The following UBE3C variants were observed in gnomAD, a reference collection of about 807,000 sequenced individuals.
UBE3C encodes ubiquitin-protein ligase E3C.
Under a neutral mutation model 129.4 loss-of-function variants are expected in UBE3C, and 42 were observed. That is an observed-to-expected ratio of 0.32 (90% CI 0.25 to 0.42). UBE3C has a LOEUF of 0.42. Ranked by LOEUF, UBE3C falls within the 10% of genes least tolerant of loss-of-function variation. UBE3C has a pLI of 1.00. For missense variants in UBE3C, 1,049 were observed against 1,319.1 expected (o/e 0.80, Z 3.17); for synonymous variants, 510 against 492.4 (o/e 1.04, Z -0.47).
chr7:157,163,108 G>A (rs926261813), intron 1 of UBE3C, among the ~76,000 whole-genome samples: 35 of 152,122 alleles, frequency 2.3e-4, no homozygotes, highest in African/African-American at 7.9e-4. Flanking sequence ...AGAGATGGCC[G>A]GGCGCGGTGG....
At chr7:157,188,181 T>C (rs561245090) in intron 10 of UBE3C, among the ~76,000 whole-genome samples, 1 of 152,340 alleles carries the variant, frequency 6.6e-6, no homozygotes, top group South Asian at 2.1e-4. Context: ...GCAAAAGCTG[T>C]CAGTAAGTAA....
At chr7:157,251,369 C>T (rs141337065) in intron 19 of UBE3C, among the ~76,000 whole-genome samples, 25 of 152,272 alleles carry the variant, frequency 1.6e-4, no homozygotes, top group African/African-American at 5.3e-4. Context: ...GACTAATTTA[C>T]ATAGAACTCT....
intron 19 of UBE3C, among the ~76,000 whole-genome samples, chr7:157,249,058 C>G (rs907190505): frequency 4.6e-5 from 7 of 152,220 alleles, no homozygotes; most frequent in African/African-American, 1.7e-4. Flanking sequence ...ATTAGAGATT[C>G]AAACTGATTT....
At chr7:157,185,306 C>CATA (rs1410034985) in intron 9 of UBE3C, among the ~76,000 whole-genome samples, 1 of 152,232 alleles carries the variant, frequency 6.6e-6, no homozygotes, top group African/African-American at 2.4e-5. Flanking sequence ...ACACTTTGAA[C>CATA]ATTTAAGAAG....
At chr7:157,197,855 A>G in intron 10 of UBE3C, 1 of 1,608,468 alleles carries the variant, frequency 6.2e-7, no homozygotes, top group South Asian at 1.1e-5. Context: ...CAATAAGAAC[A>G]ACCGCGTTAA....
intron 6 of UBE3C, among the ~76,000 whole-genome samples, chr7:157,181,123 A>G (rs931925525): frequency 3.5e-4 from 53 of 152,246 alleles, no homozygotes; most frequent in African/African-American, 1.2e-3. Context: ...CAAGCAAACT[A>G]GTTAAATAGA....
Position 157,223,267 on chromosome 7 carries a change from C to T in UBE3C, c.2016C>T (p.Ser672=), listed in dbSNP as rs144198106. ...AATGTGTTTTAGTGGGTTTGGAGTC[C>T]CCGCCGCTGTCTGTGTCTGAGGAAA... ...LQSTLDVGLE[S]PPLSVSEERQ... is the part of the protein sequence containing the mutation. Residue 672 remains serine (S), a synonymous_variant, in exon 16 of 23, where the codon TCC becomes TCT. Transcript: ENST00000348165. 2 of 1,613,984 alleles carry T rather than the reference C, an allele frequency of 1.2e-6. No individual in the cohort carries two copies. Among genetic ancestry groups the T allele is most frequent in the Non-Finnish European group, 1.7e-6 (2 of 1,180,014 alleles).
intron 1 of UBE3C, among the ~76,000 whole-genome samples, chr7:157,163,283 A>G (rs1482220592): frequency 2.0e-5 from 3 of 150,340 alleles, no homozygotes; most frequent in Non-Finnish European, 3.0e-5. Flanking sequence ...GCTACTTGGG[A>G]GGCTGAGGCA....
intron 1 of UBE3C, among the ~76,000 whole-genome samples, chr7:157,157,173 G>T (rs1563031722): frequency 6.6e-6 from 1 of 152,216 alleles, no homozygotes; most frequent in East Asian, 1.9e-4. Context: ...CTGCAACAAT[G>T]AATTAAAAAA....
At position 157,220,765 on chromosome 7, in the gene UBE3C, C is replaced by A; in HGVS notation, c.1991C>A (p.Ser664Tyr). ...RRMGRIGPLQSTLDVGLESPP... is the reference protein window; with the variant it reads ...RRMGRIGPLQYTLDVGLESPP... ...ATGGGGAGGATAGGCCCGCTGCAGT[C>A]CACCCTGGACGGTGAGTTCTCTAGG... Residue 664 changes from serine to tyrosine, a missense_variant, in exon 15 of 23, where the codon TCC (serine) becomes TAC (tyrosine). By Grantham distance (144) the Ser-to-Tyr change is moderately radical. Around this residue, in one of 4 missense-constraint regions of UBE3C, gnomAD observed 314 missense variants for 416.9 expected, o/e 0.75. Transcript: ENST00000348165. 1 of 1,614,148 alleles carries A rather than the reference C, an allele frequency of 6.2e-7. No individual in the cohort carries two copies. The highest frequency in any genetic ancestry group is 8.5e-7 in the Non-Finnish European group (1 of 1,179,998).
intron 13 of UBE3C, among the ~76,000 whole-genome samples, chr7:157,213,167 A>G (rs2117024578): frequency 6.6e-6 from 1 of 152,382 alleles, no homozygotes; most frequent in East Asian, 1.9e-4. Flanking sequence ...AGGAGGCACA[A>G]GAGTTAACAC....
chr7:157,160,223 C>G (rs1180705781), intron 1 of UBE3C, among the ~76,000 whole-genome samples: 1 of 151,956 alleles, frequency 6.6e-6, no homozygotes, highest in Non-Finnish European at 1.5e-5. Context: ...TACAGGTGCG[C>G]GCCACCACGC....
chr7:157,208,953 C>T (rs1809514993), intron 13 of UBE3C, among the ~76,000 whole-genome samples: 2 of 152,354 alleles, frequency 1.3e-5, no homozygotes, highest in Admixed American at 6.5e-5. Context: ...AGCGACCTCT[C>T]GCACACTAAT....
intron 4 of UBE3C, among the ~76,000 whole-genome samples, chr7:157,170,872 G>T (rs1007702264): frequency 6.6e-6 from 1 of 151,994 alleles, no homozygotes; most frequent in African/African-American, 2.4e-5. Context: ...ATTAGAGATG[G>T]GGTCTTACTC....
chr7:157,210,520 T>G (rs1809561755), intron 13 of UBE3C, among the ~76,000 whole-genome samples: 1 of 152,224 alleles, frequency 6.6e-6, no homozygotes, highest in Non-Finnish European at 1.5e-5. Context: ...ATATATTCAT[T>G]TAATACAATA....
intron 2 of UBE3C, chr7:157,164,382 A>C: frequency 2.2e-6 from 1 of 456,574 alleles, no homozygotes; most frequent in Non-Finnish European, 4.4e-6. Flanking sequence ...ATTTCAAACT[A>C]TGGCCTCATG....
At position 157,220,964 on chromosome 7, in the gene UBE3C, C is replaced by A. The variant is rs139792176; in HGVS notation, c.2002+188C>A. On this transcript the variant is annotated intron_variant, in intron 15 of 22. Coordinates refer to ENST00000348165, the MANE Select transcript of UBE3C (RefSeq NM_014671.3). ...AGCTCCATTGCGGCCACCTCTTCAG[C>A]AGCCACCCATTTCTGTTTTGTCCTG... 2.0e-3 allele frequency: 1,123 copies of A among 570,610 alleles called. 24 individuals are homozygous for A. In the East Asian group the frequency reaches 0.031, roughly 16 times the overall value. The allele number at this position is 570,610 out of a possible 1,614,324, so 35.3% of individuals were successfully genotyped here.
intron 14 of UBE3C, among the ~76,000 whole-genome samples, chr7:157,219,332 C>T (rs1795672118): frequency 6.6e-6 from 1 of 152,182 alleles, no homozygotes; most frequent in Admixed American, 6.5e-5. Flanking sequence ...ATCTCATCAC[C>T]AGCTGGTAGT....
At chr7:157,162,802 GC>G (rs1808107850) in intron 1 of UBE3C, among the ~76,000 whole-genome samples, 4 of 152,264 alleles carry the variant, frequency 2.6e-5, no homozygotes, top group Admixed American at 2.0e-4. Flanking sequence ...ACAGGCATGA[GC>G]CACCTTGCCC....
Sources: gnomAD v4.1 joint callset for allele counts (sites outside exome capture counted in the v4.1 genomes callset) on GRCh38, gnomAD v4.1.1 for gene constraint, gnomAD v4.1.1 regional missense constraint, MANE v1.5 for transcripts, NCBI Gene and HGNC (gene_info 2026-07-23, HGNC 2026-07-21) for gene names.